Variants in TMEM132B observed in about 807,000 individuals in gnomAD.
TMEM132B encodes transmembrane protein 132B.
A neutral mutation model predicts 90.8 loss-of-function variants in TMEM132B; 18 were observed. The ratio of observed to expected loss-of-function variants is 0.20; its 90% CI spans 0.14 to 0.29. TMEM132B has a LOEUF of 0.29. TMEM132B is among the 10% of genes least tolerant of loss of function. The probability of loss-of-function intolerance (pLI) is 1.00; values close to 1 mark genes in which losing one functional copy is unlikely to be tolerated. For missense variants in TMEM132B, 1,096 were observed against 1,326.8 expected (o/e 0.83, Z 2.70); for synonymous variants, 504 against 523.3 (o/e 0.96, Z 0.50).
chr12:125,236,090 A>G (rs1004105184), intron 1 of TMEM132B, among the ~76,000 whole-genome samples: 3 of 151,726 alleles, frequency 2.0e-5, no homozygotes, highest in Admixed American at 1.3e-4. Flanking sequence ...GGCATGAGCC[A>G]CTGTGCCGGA....
chr12:125,406,879 A>G lies in TMEM132B; in HGVS notation c.960-8652A>G, dbSNP rs967988960. On this transcript the variant is annotated intron_variant, in intron 2 of 8. Coordinates refer to ENST00000682704, the MANE Select transcript of TMEM132B (RefSeq NM_001366854.1). This position sits in a 1 kb window ranked among gnomAD's most constrained non-coding sequence, Gnocchi z 8.3. ...TGTTTATTCTAGTGAAAGGATACAA[A>G]CTGAGTTCAGCCAAGGGAAGAGGTG... Among the ~76,000 whole-genome samples the G allele has an allele frequency of 5.3e-5, 8 of 152,230 alleles. No individual in the cohort carries two copies. Among genetic ancestry groups the G allele is most frequent in the African/African-American group, 1.9e-4 (8 of 41,466 alleles).
At chr12:125,489,809 C>T (rs1882301378) in intron 3 of TMEM132B, among the ~76,000 whole-genome samples, 1 of 151,992 alleles carries the variant, frequency 6.6e-6, no homozygotes, top group Non-Finnish European at 1.5e-5. Flanking sequence ...GACTTATTTC[C>T]ATTCAAAGGG....
At chr12:125,286,234 A>T (rs1454948788) in intron 1 of TMEM132B, among the ~76,000 whole-genome samples, 1 of 152,242 alleles carries the variant, frequency 6.6e-6, no homozygotes, top group Non-Finnish European at 1.5e-5. Context: ...GAACCAGCAC[A>T]TAATCCCAGG....
chr12:125,558,419 CAT>C (rs983999299), intron 4 of TMEM132B, among the ~76,000 whole-genome samples: 3 of 152,264 alleles, frequency 2.0e-5, no homozygotes, highest in Admixed American at 6.5e-5. Context: ...TGGGGAGAAA[CAT>C]GGGTAGAAGC....
chr12:125,416,719 G>A (rs1030407377), intron 3 of TMEM132B, among the ~76,000 whole-genome samples: 3 of 152,218 alleles, frequency 2.0e-5, no homozygotes, highest in South Asian at 2.1e-4. Flanking sequence ...CTCAGACAGC[G>A]TGGTCCAAAG....
chr12:125,612,619 G>A (rs1392008769), intron 5 of TMEM132B, among the ~76,000 whole-genome samples: 2 of 140,100 alleles, frequency 1.4e-5, no homozygotes, highest in East Asian at 2.1e-4. Flanking sequence ...TATTTTTAAT[G>A]TTACTAGACA....
intron 5 of TMEM132B, among the ~76,000 whole-genome samples, chr12:125,619,875 T>G (rs1886079407): frequency 6.6e-6 from 1 of 152,196 alleles, no homozygotes; most frequent in African/African-American, 2.4e-5. Context: ...GAGGCTTCTG[T>G]GGCCATAAAT....
intron 3 of TMEM132B, among the ~76,000 whole-genome samples, chr12:125,475,912 G>T (rs1243983181): frequency 6.6e-6 from 1 of 152,128 alleles, no homozygotes; most frequent in Non-Finnish European, 1.5e-5. Context: ...ACTTTTCTCA[G>T]TATTGCTGAT....
At chr12:125,330,335 T>TTCTTTC (rs1475246613) in intron 1 of TMEM132B, among the ~76,000 whole-genome samples, 177 of 37,976 alleles carry the variant, frequency 4.7e-3, no homozygotes, top group African/African-American at 0.037. Context: ...AGGGGTTTCT[T>TTCTTTC]TTTTTTTTTT....
intron 1 of TMEM132B, among the ~76,000 whole-genome samples, chr12:125,313,083 T>G (rs1876160389): frequency 6.6e-6 from 1 of 152,122 alleles, no homozygotes. Context: ...GAATCCTGGC[T>G]TGGCTGCGTA....
At chr12:125,322,966 C>T (rs868421548) in intron 1 of TMEM132B, among the ~76,000 whole-genome samples, 8 of 152,168 alleles carry the variant, frequency 5.3e-5, no homozygotes, top group Non-Finnish European at 8.8e-5. Context: ...GAGTACTGTT[C>T]GGTACCTTGT....
chr12:125,252,223 CG>C (rs1874333451), intron 1 of TMEM132B, among the ~76,000 whole-genome samples: 1 of 152,164 alleles, frequency 6.6e-6, no homozygotes, highest in Non-Finnish European at 1.5e-5. Context: ...AGGAAGGGCC[CG>C]GAGGAGGCAA....
At chr12:125,366,319 A>G (rs1049170460) in intron 2 of TMEM132B, among the ~76,000 whole-genome samples, 1 of 152,132 alleles carries the variant, frequency 6.6e-6, no homozygotes, top group African/African-American at 2.4e-5. Context: ...GGCTACTGTG[A>G]ATAGTGCTGC....
At chr12:125,379,423 C>T (rs1031545743) in intron 2 of TMEM132B, among the ~76,000 whole-genome samples, 1 of 152,164 alleles carries the variant, frequency 6.6e-6, no homozygotes, top group South Asian at 2.1e-4. Flanking sequence ...CTTCTAGAAG[C>T]TGGAAAAAGC....
chr12:125,308,119 T>C (rs1876039424), intron 1 of TMEM132B, among the ~76,000 whole-genome samples: 1 of 146,626 alleles, frequency 6.8e-6, no homozygotes, highest in Non-Finnish European at 1.5e-5. Flanking sequence ...TACAAGTATA[T>C]ATATACACAT....
intron 4 of TMEM132B, among the ~76,000 whole-genome samples, chr12:125,574,404 T>C (rs562022718): frequency 1.3e-5 from 2 of 152,264 alleles, no homozygotes; most frequent in South Asian, 4.2e-4. Flanking sequence ...CCTCGTCCAA[T>C]GGGGTTTCAG....
chr12:125,265,634 G>A (rs948828584), intron 1 of TMEM132B, among the ~76,000 whole-genome samples: 1 of 152,120 alleles, frequency 6.6e-6, no homozygotes, highest in Non-Finnish European at 1.5e-5. Context: ...GAAAACAGGG[G>A]CCTCTGCAAT....
intron 1 of TMEM132B, among the ~76,000 whole-genome samples, chr12:125,339,559 A>G (rs1333180004): frequency 6.6e-6 from 1 of 152,314 alleles, no homozygotes; most frequent in East Asian, 1.9e-4. Flanking sequence ...TCCTCAGTAA[A>G]AGGCAGAATG....
chr12:125,263,409 C>G (rs960270463), intron 1 of TMEM132B, among the ~76,000 whole-genome samples: 1 of 152,192 alleles, frequency 6.6e-6, no homozygotes, highest in Non-Finnish European at 1.5e-5. Flanking sequence ...AATAATAACA[C>G]ATTCTCATCA....
Sources: allele counts gnomAD v4.1 joint callset (sites outside exome capture counted in the v4.1 genomes callset), GRCh38; gene constraint gnomAD v4.1.1; non-coding constraint Gnocchi (gnomAD v3.1); transcripts MANE v1.5; gene names NCBI Gene and HGNC (gene_info 2026-07-23, HGNC 2026-07-21).